CFAP54: variants seen among roughly 807,000 people sequenced by gnomAD.
CFAP54 encodes cilia- and flagella-associated protein 54.
CFAP54 carries 290 observed loss-of-function variants against 370.4 expected under a neutral mutation model. The observed-to-expected ratio is 0.78, with a 90% CI of 0.71 to 0.86. The LOEUF (loss-of-function observed/expected upper bound fraction) is 0.86, where lower values mean the gene tolerates loss of function less well. CFAP54 is among the 40% of genes least tolerant of loss of function. The pLI, the probability that CFAP54 is intolerant of heterozygous loss-of-function variation, is 0.00. For synonymous variants in CFAP54, 1,206 were observed against 1,236.5 expected, an observed-to-expected ratio of 0.98 and a Z score of 0.52; for missense variants, 3,399 against 3,528.7, an observed-to-expected ratio of 0.96 and a Z score of 0.93.
At chr12:96,621,827 TTA>T (rs956134305) in intron 27 of CFAP54, 106 bp downstream of exon 27, 14 of 731,560 alleles carry the variant, frequency 1.9e-5, no homozygotes, top group Non-Finnish European at 2.6e-5. Context: ...TTTACATTTG[TTA>T]TATTTACATA....
At chr12:96,739,170 G>T (rs1477096634) in intron 50 of CFAP54, among the ~76,000 whole-genome samples, 1 of 151,058 alleles carries the variant, frequency 6.6e-6, no homozygotes, top group Non-Finnish European at 1.5e-5. Context: ...CCTTCATCCA[G>T]TTTTTTTTTA....
intron 39 of CFAP54, among the ~76,000 whole-genome samples, chr12:96,664,309 T>C (rs1318253859): frequency 1.3e-5 from 2 of 151,996 alleles, no homozygotes; most frequent in African/African-American, 4.8e-5. Flanking sequence ...TAGGCCAGAG[T>C]GTGTGTTATT....
At chr12:96,508,471 A>C (rs1337468187) in intron 4 of CFAP54, among the ~76,000 whole-genome samples, 2 of 151,818 alleles carry the variant, frequency 1.3e-5, no homozygotes, top group Non-Finnish European at 2.9e-5. Context: ...TTTTTAGTAC[A>C]GACGGGTTTT....
chr12:96,585,370 G>A (rs527761733), intron 22 of CFAP54, among the ~76,000 whole-genome samples: 1 of 151,994 alleles, frequency 6.6e-6, no homozygotes, highest in East Asian at 1.9e-4. Flanking sequence ...CATGTTGTTT[G>A]AAAACGTTAG....
Position 96,563,538 on chromosome 12 carries a change from C to A in CFAP54, c.2411-930C>A, listed in dbSNP as rs370890587. ...AAGCTTAATTAGCATTTATAATATC[C>A]TTGGTATTGAGAGAATGATGCACTA... On this transcript the variant is annotated intron_variant, in intron 17 of 67. Transcript: ENST00000524981. 5.9e-5 allele frequency among the ~76,000 whole-genome samples: 9 copies of A among 152,274 alleles called. No individual in the cohort carries two copies. In the South Asian group the frequency reaches 1.9e-3, roughly 32 times the overall value.
At chr12:96,492,489 G>C (rs1236440687) in intron 1 of CFAP54, among the ~76,000 whole-genome samples, 1 of 152,164 alleles carries the variant, frequency 6.6e-6, no homozygotes, top group Non-Finnish European at 1.5e-5. Context: ...CACCTCCTTA[G>C]AGTGGCCTTT....
At chr12:96,629,506 G>C (rs1319778319) in intron 30 of CFAP54, among the ~76,000 whole-genome samples, 3 of 151,096 alleles carry the variant, frequency 2.0e-5, no homozygotes, top group Non-Finnish European at 3.0e-5. Flanking sequence ...GTAGAGACAG[G>C]GTTTCACCCT....
At chr12:96,588,247 A>C (rs768973159) in intron 22 of CFAP54, among the ~76,000 whole-genome samples, 1 of 151,750 alleles carries the variant, frequency 6.6e-6, no homozygotes, top group African/African-American at 2.4e-5. Flanking sequence ...AATGTATTTT[A>C]GAGTCATTTC....
chr12:96,531,279 T>G (rs779202344), intron 9 of CFAP54, among the ~76,000 whole-genome samples: 5 of 152,134 alleles, frequency 3.3e-5, no homozygotes, highest in Admixed American at 2.0e-4. Flanking sequence ...CTTGTATATA[T>G]AGTGTTTCTG....
At chr12:96,706,267 T>A (rs1234322006) in intron 47 of CFAP54, among the ~76,000 whole-genome samples, 1 of 152,162 alleles carries the variant, frequency 6.6e-6, no homozygotes, top group Non-Finnish European at 1.5e-5. Flanking sequence ...AGAAAATAAA[T>A]GCAGCTGTGC....
chr12:96,538,658 T>C, intron 13 of CFAP54, 140 bp downstream of exon 13: 1 of 791,208 alleles, frequency 1.3e-6, no homozygotes, highest in Non-Finnish European at 1.9e-6. Context: ...ATAAAGAAGA[T>C]ATTCTTTCTA....
At chr12:96,763,262 T>A (rs550712829) in intron 58 of CFAP54, among the ~76,000 whole-genome samples, 64 of 152,198 alleles carry the variant, frequency 4.2e-4, no homozygotes, top group African/African-American at 1.5e-3. Context: ...TCATTCTTTA[T>A]TAAAGAAACC....
At chr12:96,865,393 AC>A (rs1959976761) in intron 67 of CFAP54, among the ~76,000 whole-genome samples, 1 of 152,238 alleles carries the variant, frequency 6.6e-6, no homozygotes, top group African/African-American at 2.4e-5. Context: ...GTAAGAAGAT[AC>A]CATTGTATAC....
intron 9 of CFAP54, among the ~76,000 whole-genome samples, chr12:96,531,537 CAGGATAG>C (rs1955440434): frequency 6.6e-6 from 1 of 151,928 alleles, no homozygotes; most frequent in Non-Finnish European, 1.5e-5. Flanking sequence ...CAGATGTTAA[CAGGATAG>C]ATGTTCATCC....
chr12:96,554,684 C>T lies in CFAP54; in HGVS notation c.2292C>T (p.His764=), dbSNP rs1259497461. The T allele has an allele frequency of 6.5e-7, 1 of 1,532,686 alleles. No individual in the cohort carries two copies. Among genetic ancestry groups the T allele is most frequent in the Non-Finnish European group, 8.7e-7 (1 of 1,144,978 alleles). 94.9% of individuals were successfully genotyped at this position (1,532,686 alleles called of 1,614,324 possible). ...ACTCTGTTGGACCAAAGCGTACCCACCATATAGATGGAGATACTTACAAAC... is the reference window on the plus strand; with the variant it reads ...ACTCTGTTGGACCAAAGCGTACCCATCATATAGATGGAGATACTTACAAAC... The part of the protein sequence containing the change: ...VIDHCYAKRT[H]HIDGDTYKPL... The change falls in exon 17 of 68, where the codon CAC becomes CAT. Residue 764 remains histidine, a synonymous_variant. Transcript: ENST00000524981.
intron 22 of CFAP54, among the ~76,000 whole-genome samples, chr12:96,584,156 T>C (rs1006763997): frequency 1.4e-5 from 2 of 145,322 alleles, no homozygotes; most frequent in African/African-American, 5.3e-5. Flanking sequence ...GTCTATTTTA[T>C]TTTTCATTCA....
At position 96,688,927 on chromosome 12, in the gene CFAP54, C is replaced by T; in HGVS notation, c.6026C>T (p.Ser2009Leu). 1 of 1,572,716 alleles carries T rather than the reference C, an allele frequency of 6.4e-7. No individual in the cohort carries two copies. Among genetic ancestry groups the T allele is most frequent in the Non-Finnish European group, 8.6e-7 (1 of 1,162,032 alleles). ...ISAKIAQFIK[S>L]LNVEKKTDCC... is the part of the protein sequence containing the mutation. Reference sequence around the variant, plus strand: ...TTATACTTACTTAGATTTATTAAGTCATTGAATGTTGAAAAGAAAACTGAC... The same window carrying T: ...TTATACTTACTTAGATTTATTAAGTTATTGAATGTTGAAAAGAAAACTGAC... Residue 2009 changes from serine to leucine, a missense_variant, in exon 43 of 68, where the codon TCA becomes TTA. Transcript: ENST00000524981.
intron 36 of CFAP54, among the ~76,000 whole-genome samples, chr12:96,655,520 CAG>C (rs779845929): frequency 1.3e-5 from 2 of 152,108 alleles, no homozygotes; most frequent in Non-Finnish European, 2.9e-5. Flanking sequence ...TGCCAAAAAA[CAG>C]AAATCTAACT....
chr12:96,536,259 A>G (rs1955501904), intron 12 of CFAP54, among the ~76,000 whole-genome samples: 1 of 152,204 alleles, frequency 6.6e-6, no homozygotes, highest in Non-Finnish European at 1.5e-5. Context: ...CCCAGCTTTA[A>G]GTAGTAGCTT....
Sources: gnomAD v4.1 joint callset for allele counts (sites outside exome capture counted in the v4.1 genomes callset) on GRCh38, gnomAD v4.1.1 for gene constraint, MANE v1.5 for transcripts, NCBI Gene and HGNC (gene_info 2026-07-23, HGNC 2026-07-21) for gene names.